The following AUTS2 variants were observed in gnomAD, a reference collection of about 807,000 sequenced individuals.
The protein encoded by AUTS2 is activator of transcription and developmental regulator AUTS2, also known as autism susceptibility gene 2 protein.
A neutral mutation model predicts 112.4 loss-of-function variants in AUTS2; 17 were observed. The observed-to-expected ratio is 0.15, with a 90% CI of 0.10 to 0.23. The LOEUF is 0.23. Among genes scored for constraint, AUTS2 ranks in the 10% least tolerant of loss-of-function variants. AUTS2 has a pLI of 1.00. For missense variants in AUTS2, 1,510 were observed against 1,701.6 expected (o/e 0.89, Z 1.98); for synonymous variants, 751 against 702.7 (o/e 1.07, Z -1.09).
At chr7:70,749,738 T>G (rs567244471) in intron 6 of AUTS2, among the ~76,000 whole-genome samples, 1 of 152,290 alleles carries the variant, frequency 6.6e-6, no homozygotes, top group African/African-American at 2.4e-5. Context: ...AGTTTTGTCT[T>G]CTGTCCTCAG....
chr7:70,212,354 T>C (rs957446199), intron 4 of AUTS2, among the ~76,000 whole-genome samples: 8 of 152,196 alleles, frequency 5.3e-5, no homozygotes, highest in African/African-American at 1.9e-4. Flanking sequence ...TGCTTAGCAG[T>C]TTCACCAGCT....
intron 1 of AUTS2, among the ~76,000 whole-genome samples, chr7:69,712,663 A>G (rs1282001031): frequency 6.6e-6 from 1 of 152,174 alleles, no homozygotes; most frequent in Non-Finnish European, 1.5e-5. Context: ...TTGCAGTTAT[A>G]AATAAAGCTG....
intron 10 of AUTS2, among the ~76,000 whole-genome samples, chr7:70,769,316 C>T (rs915117222): frequency 6.6e-6 from 1 of 152,202 alleles, no homozygotes; most frequent in South Asian, 2.1e-4. Flanking sequence ...TGGGTTTCCT[C>T]TTTGGGTCTG....
rs553921810 is a variant in AUTS2 at position 69,832,382 on chromosome 7, A to G, written c.310-66904A>G. ...TGGGGATATGATTGGTAGTTCTAGAATGACGTTGCAGTTGCTCTATACATG... is the reference window on the plus strand; with the variant it reads ...TGGGGATATGATTGGTAGTTCTAGAGTGACGTTGCAGTTGCTCTATACATG... On this transcript the variant is annotated intron_variant, in intron 1 of 18. Transcript: ENST00000342771. 9.2e-5 allele frequency among the ~76,000 whole-genome samples: 14 copies of G among 152,250 alleles called. 1 individual carries two copies. The South Asian group carries it at 2.9e-3, about 32-fold the overall frequency.
intron 2 of AUTS2, among the ~76,000 whole-genome samples, chr7:70,071,911 A>G (rs1330090063): frequency 6.6e-6 from 1 of 152,134 alleles, no homozygotes; most frequent in Admixed American, 6.5e-5. Flanking sequence ...AGTGGAGAAT[A>G]TTGATCGCTT....
chr7:69,775,215 C>A (rs895079987), intron 1 of AUTS2, among the ~76,000 whole-genome samples: 4 of 152,112 alleles, frequency 2.6e-5, no homozygotes, highest in African/African-American at 9.7e-5. Flanking sequence ...TCTCAGGACA[C>A]TTATCTTCTT....
intron 1 of AUTS2, among the ~76,000 whole-genome samples, chr7:69,602,092 GTA>G (rs1213828963): frequency 2.4e-3 from 302 of 124,702 alleles, no homozygotes; most frequent in East Asian, 0.014. Context: ...GTGTGTGTGT[GTA>G]TATCTCACTT....
At chr7:70,731,090 A>G (rs532993613) in intron 6 of AUTS2, among the ~76,000 whole-genome samples, 1 of 152,056 alleles carries the variant, frequency 6.6e-6, no homozygotes, top group Non-Finnish European at 1.5e-5. Context: ...TAAGTGGGCT[A>G]TTTGTTTTTT....
intron 13 of AUTS2, among the ~76,000 whole-genome samples, chr7:70,776,168 G>A (rs1327996298): frequency 3.9e-5 from 6 of 152,258 alleles, no homozygotes; most frequent in South Asian, 2.1e-4. Flanking sequence ...ATATATTTTC[G>A]GAACTAACTC....
At chr7:70,781,980 G>T in intron 15 of AUTS2, 1 of 556,870 alleles carries the variant, frequency 1.8e-6, no homozygotes, top group Non-Finnish European at 3.1e-6. Flanking sequence ...TCCCTTACAG[G>T]GATTCACATT....
chr7:70,756,183 T>C (rs1789185280), intron 6 of AUTS2, among the ~76,000 whole-genome samples: 1 of 152,232 alleles, frequency 6.6e-6, no homozygotes, highest in Non-Finnish European at 1.5e-5. Context: ...TAGTGCACTT[T>C]ATTTAATGGC....
intron 1 of AUTS2, among the ~76,000 whole-genome samples, chr7:69,854,620 G>C (rs143587118): frequency 6.6e-6 from 1 of 152,090 alleles, no homozygotes; most frequent in Non-Finnish European, 1.5e-5. Context: ...TCTAGTAACT[G>C]TATTCTTCCA....
chr7:69,824,074 G>T (rs1454107030), intron 1 of AUTS2, among the ~76,000 whole-genome samples: 1 of 152,128 alleles, frequency 6.6e-6, no homozygotes, highest in Non-Finnish European at 1.5e-5. Flanking sequence ...GAGATTGAAT[G>T]ATTAGCTTAG....
chr7:70,203,114 T>C (rs1810376497), intron 4 of AUTS2, among the ~76,000 whole-genome samples: 1 of 142,846 alleles, frequency 7.0e-6, no homozygotes, highest in South Asian at 2.3e-4. Context: ...AAACACCGCA[T>C]ATTCTCACTC....
At chr7:70,004,101 T>G (rs1343333701) in intron 2 of AUTS2, among the ~76,000 whole-genome samples, 1 of 130,906 alleles carries the variant, frequency 7.6e-6, no homozygotes, top group Non-Finnish European at 1.5e-5. Context: ...TGAATATATA[T>G]AATATATATG....
At chr7:70,285,985 A>G (rs1438813513) in intron 4 of AUTS2, among the ~76,000 whole-genome samples, 1 of 152,244 alleles carries the variant, frequency 6.6e-6, no homozygotes, top group Non-Finnish European at 1.5e-5. Context: ...ACTAGCTTGT[A>G]CATGACATTT....
chr7:70,094,472 T>C (rs1376088090), intron 2 of AUTS2, among the ~76,000 whole-genome samples: 2 of 152,236 alleles, frequency 1.3e-5, no homozygotes, highest in Non-Finnish European at 2.9e-5. Flanking sequence ...CTTGTTTGAT[T>C]TGAAAGTTAA....
rs1280569658 is a variant in AUTS2, at chr7:70,686,208, ATAAG to A, written c.691-12360_691-12357del. 3.9e-5 allele frequency among the ~76,000 whole-genome samples: 6 copies of A among 152,242 alleles called. No individual in the cohort carries two copies. In the East Asian group the frequency reaches 1.2e-3, roughly 29 times the overall value. ...GCTAGAAGTCAGCTTTCCTGAAACT[ATAAG>A]AATGTCTACTCCTAGGTGACTTGTC... On this transcript the variant is annotated intron_variant, in intron 5 of 18. Coordinates refer to ENST00000342771, the MANE Select transcript of AUTS2 (RefSeq NM_015570.4).
At chr7:69,644,434 T>C (rs866306758) in intron 1 of AUTS2, among the ~76,000 whole-genome samples, 6 of 151,974 alleles carry the variant, frequency 3.9e-5, no homozygotes, top group African/African-American at 1.2e-4. Flanking sequence ...ATGTTGCTGT[T>C]GTAAAGCCTT....
Sources: allele counts gnomAD v4.1 joint callset (sites outside exome capture counted in the v4.1 genomes callset), GRCh38; gene constraint gnomAD v4.1.1; transcripts MANE v1.5; gene names NCBI Gene and HGNC (gene_info 2026-07-23, HGNC 2026-07-21).